Variants in DAAM1 observed in about 807,000 individuals in gnomAD.
DAAM1 encodes the protein disheveled-associated activator of morphogenesis 1.
DAAM1 carries 52 observed loss-of-function variants against 130.0 expected under a neutral mutation model. The ratio of observed to expected loss-of-function variants is 0.40; its 90% CI spans 0.32 to 0.50. The LOEUF (loss-of-function observed/expected upper bound fraction) is 0.50. Ranked by LOEUF, DAAM1 falls within the 20% of genes least tolerant of loss-of-function variation. The pLI is 0.61. For missense variants in DAAM1, 1,134 were observed against 1,303.8 expected, an observed-to-expected ratio of 0.87 and a Z score of 2.01; for synonymous variants, 452 against 444.5, an observed-to-expected ratio of 1.02 and a Z score of -0.21.
At position 59,225,019 on chromosome 14, in the gene DAAM1, G is replaced by GTTTTTTTTT. The variant is rs869233694; in HGVS notation, c.-38+36270_-38+36278dup. Among the ~76,000 whole-genome samples, 275 of 90,784 alleles carry GTTTTTTTTT rather than the reference G, an allele frequency of 3.0e-3. 20 individuals carry two copies. The highest frequency in any genetic ancestry group is 7.8e-3 in the Middle Eastern group (1 of 128). 59.6% of individuals were successfully genotyped at this position (90,784 alleles called of 152,430 possible). On this transcript the variant is annotated intron_variant, in intron 1 of 24. Coordinates refer to ENST00000360909, the MANE Select transcript of DAAM1 (RefSeq NM_001270520.2). ...GACTGTAAGAAATAAATCTGTGTGG[G>GTTTTTTTTT]TTTTTTTTTTTTTTTTTTTTTTTTT...
chr14:59,300,461 G>A (rs969379250), intron 3 of DAAM1, among the ~76,000 whole-genome samples: 1 of 152,140 alleles, frequency 6.6e-6, no homozygotes, highest in Non-Finnish European at 1.5e-5. Flanking sequence ...GTTCCAATAA[G>A]TTGACACTCT....
At chr14:59,330,822 C>G (rs1349185776) in intron 13 of DAAM1, 134 bp downstream of exon 13, 2 of 909,510 alleles carry the variant, frequency 2.2e-6, no homozygotes, top group Non-Finnish European at 3.2e-6. Context: ...AATTAGGAGA[C>G]TCACTCCCTC....
chr14:59,285,283 C>G (rs1012503932), intron 2 of DAAM1, among the ~76,000 whole-genome samples: 1 of 152,100 alleles, frequency 6.6e-6, no homozygotes, highest in Non-Finnish European at 1.5e-5. Context: ...TGCAATTAGA[C>G]CTGCGTTACA....
chr14:59,226,925 G>A (rs541972604), intron 1 of DAAM1, among the ~76,000 whole-genome samples: 53 of 152,226 alleles, frequency 3.5e-4, no homozygotes, highest in African/African-American at 1.2e-3. Context: ...GTCACATGAA[G>A]TGCAGCATGA....
chr14:59,218,074 A>G (rs920922615), intron 1 of DAAM1, among the ~76,000 whole-genome samples: 2 of 152,110 alleles, frequency 1.3e-5, no homozygotes, highest in African/African-American at 4.8e-5. Context: ...TGGAGGCTGC[A>G]GTGAACTATG....
intron 1 of DAAM1, among the ~76,000 whole-genome samples, chr14:59,216,684 C>T (rs1253990466): frequency 1.3e-5 from 2 of 151,766 alleles, no homozygotes; most frequent in African/African-American, 2.4e-5. Context: ...TGCACCACTA[C>T]ACTCCAGCCT....
intron 3 of DAAM1, among the ~76,000 whole-genome samples, chr14:59,294,496 C>T (rs1020085509): frequency 1.3e-5 from 2 of 151,448 alleles, no homozygotes; most frequent in African/African-American, 4.9e-5. Context: ...GTTGAAAGTC[C>T]AAACAAATCT....
chr14:59,342,513 C>T (rs891748819), intron 16 of DAAM1, among the ~76,000 whole-genome samples: 1 of 152,162 alleles, frequency 6.6e-6, no homozygotes, highest in African/African-American at 2.4e-5. Flanking sequence ...CAATTTATTA[C>T]TATGCACAAA....
At chr14:59,251,298 C>G (rs1450828937) in intron 1 of DAAM1, among the ~76,000 whole-genome samples, 2 of 152,086 alleles carry the variant, frequency 1.3e-5, no homozygotes, top group Non-Finnish European at 2.9e-5. Context: ...ATCAAAGGGC[C>G]CGTGCATTAA....
In DAAM1 at chr14:59,204,813, C is replaced by T. The variant is rs969631989; in HGVS notation, c.-38+16045C>T. ...TTGGGAGGCCGAGGCAGGTGGGTCA[C>T]TTGAGGTCAGGAGTTCGAGACCAGC... On this transcript the variant is annotated intron_variant, in intron 1 of 24. Transcript: ENST00000360909. Among the ~76,000 whole-genome samples, 3 of 152,174 alleles carry T rather than the reference C, an allele frequency of 2.0e-5. No homozygotes were observed. In the East Asian group the frequency reaches 5.8e-4, roughly 29 times the overall value.
Position 59,369,063 on chromosome 14 carries a change from C to T in DAAM1, c.*204C>T, listed in dbSNP as rs761664232. On this transcript the variant is annotated 3_prime_UTR_variant, in exon 25 of 25. Coordinates refer to ENST00000360909, the MANE Select transcript of DAAM1 (RefSeq NM_001270520.2). ...TCTGAGTGTTGTCTGGAGACCTATACGTATGGTTAAAAAGATTTATGTTAA... is the reference window on the plus strand; with the variant it reads ...TCTGAGTGTTGTCTGGAGACCTATATGTATGGTTAAAAAGATTTATGTTAA... 2.0e-4 allele frequency: 105 copies of T among 530,194 alleles called. No individual in the cohort carries two copies. Among genetic ancestry groups the T allele is most frequent in the Non-Finnish European group, 3.0e-4 (89 of 301,410 alleles). 32.8% of individuals were successfully genotyped at this position (530,194 alleles called of 1,614,324 possible).
intron 3 of DAAM1, chr14:59,291,508 A>G (rs1883738710): frequency 3.8e-6 from 2 of 525,042 alleles, no homozygotes; most frequent in Non-Finnish European, 6.7e-6. Context: ...GCTCTTTTCC[A>G]CCTGTAACCA....
At chr14:59,246,792 C>T (rs929072317) in intron 1 of DAAM1, among the ~76,000 whole-genome samples, 11 of 152,110 alleles carry the variant, frequency 7.2e-5, no homozygotes, top group African/African-American at 2.7e-4. Context: ...ACTTGCGTTG[C>T]TCTAATGATT....
chr14:59,241,131 G>A (rs766509072), intron 1 of DAAM1, among the ~76,000 whole-genome samples: 49 of 152,260 alleles, frequency 3.2e-4, no homozygotes, highest in African/African-American at 1.0e-3. Context: ...TACTGCAGGC[G>A]GAATGAGAAC....
chr14:59,236,242 G>A (rs1295892995), intron 1 of DAAM1, among the ~76,000 whole-genome samples: 1 of 152,008 alleles, frequency 6.6e-6, no homozygotes, highest in Non-Finnish European at 1.5e-5. Context: ...GTAGTAGAAT[G>A]ACTAGTTTTC....
At chr14:59,292,630 G>T (rs1231663135) in intron 3 of DAAM1, among the ~76,000 whole-genome samples, 1 of 152,212 alleles carries the variant, frequency 6.6e-6, no homozygotes, top group Non-Finnish European at 1.5e-5. Context: ...ACTGAATACT[G>T]TCAAAAAATT....
chr14:59,299,648 TAGG>T (rs1271618194), intron 3 of DAAM1: 3 of 152,110 alleles, frequency 2.0e-5, no homozygotes, highest in South Asian at 4.1e-4. Flanking sequence ...AATACTAAGT[TAGG>T]AGGTTCTATT....
At chr14:59,347,697 C>G in intron 17 of DAAM1, 74 bp downstream of exon 17, 1 of 1,421,712 alleles carries the variant, frequency 7.0e-7, no homozygotes. Context: ...TGAGAACATC[C>G]GGTTGTTGCT....
At chr14:59,294,069 G>C (rs1883855332) in intron 3 of DAAM1, among the ~76,000 whole-genome samples, 1 of 152,186 alleles carries the variant, frequency 6.6e-6, no homozygotes, top group East Asian at 1.9e-4. Context: ...TTCAAGATTA[G>C]AATACAGGGC....
Sources: allele counts gnomAD v4.1 joint callset (sites outside exome capture counted in the v4.1 genomes callset), GRCh38; gene constraint gnomAD v4.1.1; transcripts MANE v1.5; gene names NCBI Gene and HGNC (gene_info 2026-07-23, HGNC 2026-07-21).